Variants in SLC37A1 observed in about 807,000 individuals in gnomAD.
The protein encoded by SLC37A1 is glucose-6-phosphate exchanger SLC37A1.
Under a neutral mutation model 75.3 loss-of-function variants are expected in SLC37A1, and 49 were observed. The observed-to-expected ratio is 0.65, with a 90% confidence interval of 0.52 to 0.83. SLC37A1 has a LOEUF of 0.83. Ranked by LOEUF, SLC37A1 falls within the 40% of genes least tolerant of loss-of-function variation. The pLI is 0.00. For missense variants in SLC37A1, 566 were observed against 695.0 expected (o/e 0.81, Z 2.09); for synonymous variants, 268 against 292.1 (o/e 0.92, Z 0.84).
chr21:42,525,100 C>A (rs1601675820), intron 2 of SLC37A1, among the ~76,000 whole-genome samples: 1 of 152,340 alleles, frequency 6.6e-6, no homozygotes, highest in East Asian at 1.9e-4. Flanking sequence ...CGGGGAGGTT[C>A]CCGGAGGGTG....
chr21:42,510,168 C>T (rs573425213), upstream of SLC37A1, among the ~76,000 whole-genome samples: 1 of 152,224 alleles, frequency 6.6e-6, no homozygotes, highest in Non-Finnish European at 1.5e-5. Flanking sequence ...GCTGGGACTA[C>T]AGGCACACAC....
chr21:42,563,997 C>G, intron 13 of SLC37A1, 120 bp downstream of exon 13: 1 of 1,164,484 alleles, frequency 8.6e-7, no homozygotes, highest in Non-Finnish European at 1.3e-6. Flanking sequence ...TGAGTGGGCC[C>G]AGCCCAAGAG....
At chr21:42,573,259 T>G (rs946526999) in intron 17 of SLC37A1, among the ~76,000 whole-genome samples, 1 of 152,176 alleles carries the variant, frequency 6.6e-6, no homozygotes, top group Non-Finnish European at 1.5e-5. Flanking sequence ...GCTAACAGTT[T>G]GTGATAAAAG....
At chr21:42,535,599 C>T (rs191125683) in intron 5 of SLC37A1, 49 bp downstream of exon 5, 33 of 1,520,920 alleles carry the variant, frequency 2.2e-5, no homozygotes, top group East Asian at 1.8e-4. Flanking sequence ...CTGGCCCCTC[C>T]GTGCAGAGAA....
At chr21:42,512,076 CAAA>C (rs35096877), upstream of SLC37A1, among the ~76,000 whole-genome samples, 3 of 146,008 alleles carry the variant, frequency 2.1e-5, no homozygotes, top group African/African-American at 2.5e-5. Flanking sequence ...TTCTCACCAC[CAAA>C]AAAAAAAAAA....
At chr21:42,521,224 A>T (rs2054640970) in intron 2 of SLC37A1, among the ~76,000 whole-genome samples, 1 of 152,232 alleles carries the variant, frequency 6.6e-6, no homozygotes, top group African/African-American at 2.4e-5. Context: ...TATGAGGCAG[A>T]CAGCACTTTA....
At position 42,534,786 on chromosome 21, in the gene SLC37A1, A is replaced by G. The variant is rs1376688837; in HGVS notation, c.227A>G (p.His76Arg). 1 of 1,613,878 alleles carries G rather than the reference A, an allele frequency of 6.2e-7. No homozygotes were observed. The highest frequency in any genetic ancestry group is 1.7e-5 in the Admixed American group (1 of 60,004). ...AGGAAGTCTGGGTCCGCTGCCCCCC[A>G]CCAGCTCCCTGACAATGAGACCGAC... is the stretch of plus-strand genomic sequence containing the variant. ...QNRKSGSAAP[H>R]QLPDNETDCG... The change falls in exon 4 of 20, where the codon CAC (histidine) becomes CGC (arginine). Residue 76 changes from histidine to arginine, a missense_variant. By Grantham distance (29) the His-to-Arg change is conservative. Transcript: ENST00000352133.
intron 10 of SLC37A1, among the ~76,000 whole-genome samples, chr21:42,554,993 T>G (rs1421978637): frequency 3.3e-5 from 5 of 149,510 alleles, no homozygotes; most frequent in Non-Finnish European, 5.9e-5. Flanking sequence ...TTTTTTTTTT[T>G]TTTTTTTTTT....
chr21:42,554,184 G>T, intron 10 of SLC37A1, 42 bp downstream of exon 10: 1 of 1,581,578 alleles, frequency 6.3e-7, no homozygotes. Context: ...TGTCGGAGCT[G>T]CAGGAAAACT....
At chr21:42,529,785 C>T (rs2062362875) in intron 3 of SLC37A1, among the ~76,000 whole-genome samples, 1 of 152,150 alleles carries the variant, frequency 6.6e-6, no homozygotes, top group South Asian at 2.1e-4. Context: ...ATTAAGGCAA[C>T]ACTGTGCTCA....
chr21:42,530,011 G>A (rs1296652965), intron 3 of SLC37A1, among the ~76,000 whole-genome samples: 2 of 152,076 alleles, frequency 1.3e-5, no homozygotes, highest in Non-Finnish European at 2.9e-5. Context: ...GCATCTTTAT[G>A]GCAGCTTTGT....
chr21:42,505,594 C>T (rs1217684711), intron 2 of SLC37A1, among the ~76,000 whole-genome samples: 1 of 152,146 alleles, frequency 6.6e-6, no homozygotes, highest in Non-Finnish European at 1.5e-5. Context: ...CAGAGTCAAC[C>T]TAGATCCTTG....
At chr21:42,536,885 A>G (rs538699921) in intron 5 of SLC37A1, among the ~76,000 whole-genome samples, 1 of 152,236 alleles carries the variant, frequency 6.6e-6, no homozygotes, top group Non-Finnish European at 1.5e-5. Context: ...CAACACAGTT[A>G]TACTGGGGAC....
rs1023325415 is a variant in SLC37A1, at chr21:42,548,864, G to T, written c.768+1724G>T. 2.6e-5 allele frequency among the ~76,000 whole-genome samples: 4 copies of T among 152,150 alleles called. No homozygotes were observed. The highest frequency in any genetic ancestry group is 2.0e-4 in the Admixed American group (3 of 15,266). On this transcript the variant is annotated intron_variant, in intron 9 of 19. Transcript: ENST00000352133. The surrounding 1 kb of genome is among the most constrained non-coding windows in gnomAD (Gnocchi z 5.6). ...GGCACCTGGGGCAGCACCTGGCCTC[G>T]TGCGGGAGGGGGGCCAGAGTCCTTT...
At position 42,545,100 on chromosome 21, in the gene SLC37A1, G is replaced by A. The variant is rs528306148; in HGVS notation, c.730+1498G>A. Reference sequence around the variant, plus strand: ...TAAGCAGAGAGAGCTCAGCTCTTGTGAATAAGCCTCCCTGATCCAATTTGG... The same window carrying A: ...TAAGCAGAGAGAGCTCAGCTCTTGTAAATAAGCCTCCCTGATCCAATTTGG... On this transcript the variant is annotated intron_variant, in intron 8 of 19. Coordinates refer to ENST00000352133, the MANE Select transcript of SLC37A1 (RefSeq NM_001320537.2). This position sits in a 1 kb window ranked among gnomAD's most constrained non-coding sequence, Gnocchi z 4.0. 2.0e-5 allele frequency among the ~76,000 whole-genome samples: 3 copies of A among 152,332 alleles called. No individual in the cohort carries two copies. The highest frequency in any genetic ancestry group is 2.9e-5 in the Non-Finnish European group (2 of 68,028).
At chr21:42,511,150 C>A (rs1247109438), upstream of SLC37A1, among the ~76,000 whole-genome samples, 1 of 152,088 alleles carries the variant, frequency 6.6e-6, no homozygotes, top group Non-Finnish European at 1.5e-5. Flanking sequence ...CTTTTCTGAC[C>A]ACAATAACAT....
At chr21:42,563,986 C>A in intron 13 of SLC37A1, 109 bp downstream of exon 13, 1 of 1,263,126 alleles carries the variant, frequency 7.9e-7, no homozygotes, top group Non-Finnish European at 1.1e-6. Context: ...CTCATATCCC[C>A]TGAGTGGGCC....
chr21:42,569,173 C>A (rs533443671), intron 17 of SLC37A1, among the ~76,000 whole-genome samples: 1 of 152,174 alleles, frequency 6.6e-6, no homozygotes, highest in Admixed American at 6.5e-5. Flanking sequence ...GCGTGGGGGT[C>A]TCCAGTAAAG....
intron 3 of SLC37A1, among the ~76,000 whole-genome samples, chr21:42,529,653 G>A (rs1439683020): frequency 6.6e-6 from 1 of 152,228 alleles, no homozygotes; most frequent in Non-Finnish European, 1.5e-5. Context: ...GAGTGAGTGT[G>A]AAGTTAGGAA....
Sources: allele counts gnomAD v4.1 joint callset (sites outside exome capture counted in the v4.1 genomes callset), GRCh38; gene constraint gnomAD v4.1.1; non-coding constraint Gnocchi (gnomAD v3.1); transcripts MANE v1.5; gene names NCBI Gene and HGNC (gene_info 2026-07-23, HGNC 2026-07-21).